Variants in GLMN observed in about 807,000 individuals in gnomAD.
The protein encoded by GLMN is glomulin, FKBP associated protein, also known as glomulin.
GLMN carries 75 observed loss-of-function variants against 87.8 expected under a neutral mutation model. The observed-to-expected ratio is 0.85, with a 90% CI of 0.71 to 1.04. The LOEUF is 1.04. Ranked by LOEUF, GLMN falls within the 50% of genes least tolerant of loss-of-function variation. The pLI is 0.00. For synonymous variants in GLMN, 206 were observed against 221.6 expected (o/e 0.93, Z 0.63); for missense variants, 588 against 658.8 (o/e 0.89, Z 1.18).
the GLMN span, chr1:92,324,291 A>G: frequency 2.5e-6 from 4 of 1,614,034 alleles, no homozygotes; most frequent in Non-Finnish European, 3.4e-6. Flanking sequence ...AAGAAACTGA[A>G]AAGTTAAATC....
At chr1:92,294,803 C>T (rs577544494) in intron 3 of GLMN, among the ~76,000 whole-genome samples, 3 of 152,050 alleles carry the variant, frequency 2.0e-5, no homozygotes, top group Non-Finnish European at 4.4e-5. Flanking sequence ...CTCAGTCTCC[C>T]GAGTAGCTGG....
At chr1:92,324,079 T>C in the GLMN span, 287 of 1,613,946 alleles carry the variant, frequency 1.8e-4, no homozygotes, top group Non-Finnish European at 2.4e-4. Context: ...GAGGTTTTTG[T>C]ATGGCCAGAA....
chr1:92,317,508 AAAAAAT>A, the GLMN span, among the ~76,000 whole-genome samples: 8 of 152,208 alleles, frequency 5.3e-5, no homozygotes, highest in Non-Finnish European at 8.8e-5. Context: ...TCTGTCTCAA[AAAAAAT>A]AAAAATAAAA....
chr1:92,357,512 A>G, the GLMN span, among the ~76,000 whole-genome samples: 1 of 152,280 alleles, frequency 6.6e-6, no homozygotes, highest in Admixed American at 6.5e-5. Context: ...CTAGAAGGAA[A>G]GGTTGGGTCT....
At chr1:92,345,598 G>T in the GLMN span, among the ~76,000 whole-genome samples, 2 of 151,926 alleles carry the variant, frequency 1.3e-5, no homozygotes, top group Non-Finnish European at 2.9e-5. Flanking sequence ...TGCTTATCTT[G>T]TCTAGTAGTA....
chr1:92,345,855 T>C, the GLMN span: 4 of 1,588,592 alleles, frequency 2.5e-6, no homozygotes, highest in South Asian at 3.4e-5. Context: ...GGTTAACAAA[T>C]AGAAATATTA....
At chr1:92,305,989 T>C in the GLMN span, among the ~76,000 whole-genome samples, 5 of 152,196 alleles carry the variant, frequency 3.3e-5, no homozygotes, top group African/African-American at 1.2e-4. Flanking sequence ...TGTATAAAAA[T>C]GTTTATAGCT....
the GLMN span, among the ~76,000 whole-genome samples, chr1:92,338,515 A>G: frequency 6.6e-6 from 1 of 152,252 alleles, no homozygotes; most frequent in Non-Finnish European, 1.5e-5. Context: ...ATAAAGTTTA[A>G]ATAGATATAC....
the GLMN span, among the ~76,000 whole-genome samples, chr1:92,335,337 T>C: frequency 6.6e-6 from 1 of 152,204 alleles, no homozygotes; most frequent in African/African-American, 2.4e-5. Context: ...ATTCTTTCTA[T>C]TTTGGAACAT....
chr1:92,295,764 C>T (rs1649974268), intron 3 of GLMN, among the ~76,000 whole-genome samples: 1 of 152,136 alleles, frequency 6.6e-6, no homozygotes, highest in South Asian at 2.1e-4. Context: ...TTTAACTTTT[C>T]AGTTACAAAA....
the GLMN span, among the ~76,000 whole-genome samples, chr1:92,349,546 C>T: frequency 6.6e-6 from 1 of 152,266 alleles, no homozygotes; most frequent in African/African-American, 2.4e-5. Context: ...AATTTTCACA[C>T]CTTTATTCTT....
intron 6 of GLMN, 143 bp from the exon 7 acceptor site, chr1:92,286,735 T>A (rs1648799915): frequency 7.5e-6 from 5 of 664,072 alleles, no homozygotes; most frequent in Non-Finnish European, 1.4e-5. Context: ...AAACTCATGT[T>A]GAAATTTAAC....
At chr1:92,249,246 G>A (rs570451201) in intron 16 of GLMN, among the ~76,000 whole-genome samples, 4 of 150,624 alleles carry the variant, frequency 2.7e-5, no homozygotes, top group South Asian at 2.1e-4. Context: ...TATCAACAAC[G>A]GTGTAATTTT....
the GLMN span, among the ~76,000 whole-genome samples, chr1:92,315,730 G>A: frequency 1.3e-5 from 2 of 152,122 alleles, no homozygotes; most frequent in South Asian, 4.2e-4. Context: ...CTTTTATAAG[G>A]TTTTGGAGTC....
chr1:92,335,230 T>G, the GLMN span, among the ~76,000 whole-genome samples: 1 of 152,164 alleles, frequency 6.6e-6, no homozygotes, highest in Non-Finnish European at 1.5e-5. Context: ...ATTATGCCAC[T>G]GCACTCCAGC....
rs1487540 is a variant in GLMN, at chr1:92,269,802, T to C, written c.924-26A>G. 0.48 allele frequency: 660,642 copies of C among 1,376,442 alleles called. 168,314 individuals are homozygous for C. Among genetic ancestry groups the C allele is most frequent in the East Asian group, 0.96 (42,094 of 43,716 alleles). The allele number at this position is 1,376,442 out of a possible 1,614,324, so 85.3% of individuals were successfully genotyped here. On this transcript the variant is annotated intron_variant, in intron 8 of 18. Coordinates refer to ENST00000370360, the MANE Select transcript of GLMN (RefSeq NM_053274.3). Reference sequence around the variant, plus strand: ...CTAAAATAGAAACAAAACAAATATATATATTATACACACACACAGAGATAT... The same window carrying C: ...CTAAAATAGAAACAAAACAAATATACATATTATACACACACACAGAGATAT...
At chr1:92,367,395 C>A in the GLMN span, among the ~76,000 whole-genome samples, 13 of 152,294 alleles carry the variant, frequency 8.5e-5, 1 homozygote, top group South Asian at 8.3e-4. Flanking sequence ...TATTATAATA[C>A]CCATTTGTTT....
chr1:92,323,666 A>G, the GLMN span: 1 of 1,613,632 alleles, frequency 6.2e-7, no homozygotes, highest in Non-Finnish European at 8.5e-7. Flanking sequence ...AGCATAATGA[A>G]AAAGAAAGCT....
At chr1:92,278,130 A>G (rs904261527) in intron 7 of GLMN, among the ~76,000 whole-genome samples, 2 of 152,178 alleles carry the variant, frequency 1.3e-5, no homozygotes, top group African/African-American at 4.8e-5. Flanking sequence ...AGGGAACTCC[A>G]TACATCTGGT....
Sources: allele counts gnomAD v4.1 joint callset (sites outside exome capture counted in the v4.1 genomes callset), GRCh38; gene constraint gnomAD v4.1.1; transcripts MANE v1.5; gene names NCBI Gene and HGNC (gene_info 2026-07-23, HGNC 2026-07-21).